DGKB: variants seen among roughly 807,000 people sequenced by gnomAD.
The protein encoded by DGKB is 90 kDa diacylglycerol kinase.
A neutral mutation model predicts 114.3 loss-of-function variants in DGKB; 67 were observed. That is an observed-to-expected ratio of 0.59 (90% CI 0.48 to 0.72). DGKB has a LOEUF of 0.72. Ranked by LOEUF, DGKB falls within the 30% of genes least tolerant of loss-of-function variation. The probability of loss-of-function intolerance (pLI) is 0.00; values close to 1 mark genes in which losing one functional copy is unlikely to be tolerated. For missense variants in DGKB, 907 were observed against 975.2 expected, an observed-to-expected ratio of 0.93 and a Z score of 0.93; for synonymous variants, 398 against 323.1, an observed-to-expected ratio of 1.23 and a Z score of -2.49.
At chr7:14,214,424 TAAG>T (rs1236682692) in intron 23 of DGKB, among the ~76,000 whole-genome samples, 4 of 151,996 alleles carry the variant, frequency 2.6e-5, no homozygotes, top group Non-Finnish European at 5.9e-5. Context: ...GTTTAGGAAA[TAAG>T]GAGAAAAAAT....
intron 20 of DGKB, among the ~76,000 whole-genome samples, chr7:14,511,940 A>G (rs180768610): frequency 1.3e-5 from 2 of 152,306 alleles, no homozygotes; most frequent in East Asian, 1.9e-4. Flanking sequence ...ACTCTCTTTT[A>G]TGGGTGCATT....
intron 21 of DGKB, among the ~76,000 whole-genome samples, chr7:14,461,690 G>A (rs958573652): frequency 5.9e-5 from 9 of 151,810 alleles, no homozygotes; most frequent in South Asian, 2.1e-4. Flanking sequence ...AGAGGAGTTG[G>A]TATCATGCCT....
chr7:14,733,413 G>A lies in DGKB; in HGVS notation c.322+2628C>T, dbSNP rs188877779. On this transcript the variant is annotated intron_variant, in intron 5 of 25. Coordinates refer to ENST00000402815, the MANE Select transcript of DGKB (RefSeq NM_001350709.2). Reference sequence around the variant, plus strand: ...TCATTAATAGATGGGAAGGCCAGACGCCATGGCTCATGCCTGTAATCTCAG... The same window carrying A: ...TCATTAATAGATGGGAAGGCCAGACACCATGGCTCATGCCTGTAATCTCAG... Among the ~76,000 whole-genome samples, 515 of 152,238 alleles carry A rather than the reference G, an allele frequency of 3.4e-3. 6 individuals carry two copies. Among genetic ancestry groups the A allele is most frequent in the South Asian group, 0.027 (130 of 4,818 alleles).
intron 13 of DGKB, among the ~76,000 whole-genome samples, chr7:14,669,592 A>G (rs1818612111): frequency 6.6e-6 from 1 of 152,186 alleles, no homozygotes; most frequent in African/African-American, 2.4e-5. Flanking sequence ...CTTGACATTG[A>G]AAACAAAACC....
intron 23 of DGKB, among the ~76,000 whole-genome samples, chr7:14,188,852 T>C (rs1783873531): frequency 6.6e-6 from 1 of 151,992 alleles, no homozygotes; most frequent in Non-Finnish European, 1.5e-5. Flanking sequence ...AGCAGAAACC[T>C]TAAAGCTGGT....
intron 23 of DGKB, among the ~76,000 whole-genome samples, chr7:14,197,930 A>C (rs1457683304): frequency 6.6e-6 from 1 of 152,104 alleles, no homozygotes; most frequent in Non-Finnish European, 1.5e-5. Flanking sequence ...AAGTAAGGTC[A>C]CGAGGTGTGA....
chr7:14,387,971 C>T (rs1255870884), intron 21 of DGKB, among the ~76,000 whole-genome samples: 1 of 151,562 alleles, frequency 6.6e-6, no homozygotes, highest in African/African-American at 2.4e-5. Flanking sequence ...CCTCCACCCC[C>T]CGGGTTAAAG....
chr7:14,276,385 A>G (rs137981169), intron 23 of DGKB, among the ~76,000 whole-genome samples: 4 of 152,340 alleles, frequency 2.6e-5, no homozygotes, highest in African/African-American at 7.2e-5. Flanking sequence ...AAGACATGAT[A>G]AAATATGAAT....
chr7:14,588,055 T>A (rs569656206), intron 17 of DGKB, among the ~76,000 whole-genome samples: 184 of 152,184 alleles, frequency 1.2e-3, no homozygotes, highest in Non-Finnish European at 2.2e-3. Context: ...CTTTACCAGA[T>A]AACATCAATG....
intron 13 of DGKB, among the ~76,000 whole-genome samples, chr7:14,633,793 C>T (rs897891855): frequency 3.3e-5 from 5 of 151,570 alleles, no homozygotes; most frequent in African/African-American, 1.2e-4. Context: ...TGATCAGTAT[C>T]TTTTTAATAT....
At chr7:14,167,276 G>A (rs1290154269) in intron 25 of DGKB, among the ~76,000 whole-genome samples, 1 of 151,638 alleles carries the variant, frequency 6.6e-6, no homozygotes. Context: ...TTCCATGGCA[G>A]TGGAAGGTAA....
chr7:14,687,292 C>G (rs1292913342), intron 9 of DGKB, among the ~76,000 whole-genome samples: 2 of 152,122 alleles, frequency 1.3e-5, no homozygotes, highest in Non-Finnish European at 2.9e-5. Flanking sequence ...ATTTTGGACC[C>G]TTTACAATTC....
chr7:14,629,074 T>C (rs960266699), intron 14 of DGKB, among the ~76,000 whole-genome samples: 1 of 152,042 alleles, frequency 6.6e-6, no homozygotes, highest in African/African-American at 2.4e-5. Flanking sequence ...TCAAATGCAA[T>C]GCCTATATTT....
At chr7:14,675,718 A>G (rs779328923) in intron 12 of DGKB, among the ~76,000 whole-genome samples, 7 of 152,020 alleles carry the variant, frequency 4.6e-5, no homozygotes, top group Non-Finnish European at 7.4e-5. Flanking sequence ...TTTAGTAACC[A>G]TACTATCATC....
chr7:14,567,715 T>C (rs1269469104), intron 20 of DGKB, among the ~76,000 whole-genome samples: 1 of 149,728 alleles, frequency 6.7e-6, no homozygotes, highest in Non-Finnish European at 1.5e-5. Flanking sequence ...CAAGCACTTG[T>C]CCTGCCTCAG....
At chr7:14,763,438 A>G (rs759551961) in intron 2 of DGKB, among the ~76,000 whole-genome samples, 22 of 152,252 alleles carry the variant, frequency 1.4e-4, no homozygotes, top group Admixed American at 3.3e-4. Context: ...AATAATGTTA[A>G]CAAATATTCA....
intron 23 of DGKB, among the ~76,000 whole-genome samples, chr7:14,189,600 A>C (rs1398519024): frequency 2.6e-5 from 4 of 152,180 alleles, no homozygotes; most frequent in African/African-American, 9.7e-5. Context: ...TTTCCCATTA[A>C]GAGACAGAAT....
At chr7:14,481,956 C>T (rs1026880930) in intron 20 of DGKB, among the ~76,000 whole-genome samples, 1 of 151,944 alleles carries the variant, frequency 6.6e-6, no homozygotes, top group Non-Finnish European at 1.5e-5. Context: ...TAACAACAAT[C>T]TTTTCCTATG....
intron 6 of DGKB, among the ~76,000 whole-genome samples, chr7:14,705,489 G>C (rs1250431396): frequency 6.6e-6 from 1 of 151,486 alleles, no homozygotes; most frequent in Non-Finnish European, 1.5e-5. Flanking sequence ...TACTCGAGAA[G>C]AGCAACTCCA....
Sources: gnomAD v4.1 joint callset for allele counts (sites outside exome capture counted in the v4.1 genomes callset) on GRCh38, gnomAD v4.1.1 for gene constraint, MANE v1.5 for transcripts, NCBI Gene and HGNC (gene_info 2026-07-23, HGNC 2026-07-21) for gene names.